Variants in CERS3 observed in about 807,000 individuals in gnomAD.
CERS3 encodes the protein LAG1 homolog, ceramide synthase 3.
A neutral mutation model predicts 50.3 loss-of-function variants in CERS3; 33 were observed. That is an observed-to-expected ratio of 0.66 (90% CI 0.50 to 0.88). CERS3 has a LOEUF of 0.88. Ranked by LOEUF, CERS3 falls within the 40% of genes least tolerant of loss-of-function variation. The probability of loss-of-function intolerance (pLI) is 0.00; values close to 1 mark genes in which losing one functional copy is unlikely to be tolerated. For missense variants in CERS3, 470 were observed against 460.3 expected (o/e 1.02, Z -0.19); for synonymous variants, 176 against 155.2 (o/e 1.13, Z -0.99).
chr15:100,525,684 A>G (rs1173849397), intron 1 of CERS3, among the ~76,000 whole-genome samples: 1 of 152,232 alleles, frequency 6.6e-6, no homozygotes, highest in Admixed American at 6.5e-5. Context: ...GTTTTTATAC[A>G]TAAGCCCTAA....
intron 5 of CERS3, among the ~76,000 whole-genome samples, chr15:100,483,787 A>ATTATTATTATTATTATTTTTTTT (rs760594142): frequency 1.0e-5 from 1 of 100,040 alleles, no homozygotes; most frequent in African/African-American, 3.8e-5. Flanking sequence ...TATTATTATT[A>ATTATTATTATTATTATTTTTTTT]TTTTTTTTTT....
At chr15:100,509,206 T>C (rs987588201) in intron 2 of CERS3, among the ~76,000 whole-genome samples, 1 of 152,196 alleles carries the variant, frequency 6.6e-6, no homozygotes, top group African/African-American at 2.4e-5. Flanking sequence ...AGCTACTTCC[T>C]CAGATGGACG....
chr15:100,516,461 C>G (rs113186150), intron 2 of CERS3, among the ~76,000 whole-genome samples: 1 of 152,138 alleles, frequency 6.6e-6, no homozygotes, highest in Admixed American at 6.5e-5. Flanking sequence ...AAAGACCTGT[C>G]GTGGGACTAA....
intron 11 of CERS3, among the ~76,000 whole-genome samples, chr15:100,406,818 G>A (rs978113248): frequency 2.0e-5 from 3 of 152,120 alleles, no homozygotes; most frequent in African/African-American, 7.2e-5. Context: ...AGACATACCC[G>A]AGACTGGGAA....
At chr15:100,532,713 C>T (rs952809135), upstream of CERS3, among the ~76,000 whole-genome samples, 2 of 152,102 alleles carry the variant, frequency 1.3e-5, no homozygotes, top group Non-Finnish European at 2.9e-5. Context: ...GAGCTGTAAT[C>T]GGCCCAATAC....
chr15:100,418,954 C>T (rs1283757820), intron 11 of CERS3, among the ~76,000 whole-genome samples: 1 of 133,286 alleles, frequency 7.5e-6, no homozygotes, highest in Non-Finnish European at 1.7e-5. Flanking sequence ...AAAGGAACAA[C>T]CAGTACCAGC....
chr15:100,454,366 G>A (rs1178142741), intron 11 of CERS3, among the ~76,000 whole-genome samples: 1 of 122,842 alleles, frequency 8.1e-6, no homozygotes, highest in Non-Finnish European at 1.6e-5. Flanking sequence ...CTCTAGCCTT[G>A]AAGACAGAGC....
intron 2 of CERS3, among the ~76,000 whole-genome samples, chr15:100,521,066 T>C (rs2036624587): frequency 1.3e-5 from 2 of 152,182 alleles, no homozygotes. Context: ...CAATGAAGTT[T>C]AGAGAGATAA....
rs891979918 is a variant in CERS3 at position 100,464,928 on chromosome 15, AGT to A, written c.845+4448_845+4449del. 1.2e-4 allele frequency among the ~76,000 whole-genome samples: 18 copies of A among 152,312 alleles called. No individual in the cohort carries two copies. In the South Asian group the frequency reaches 1.2e-3, roughly 11 times the overall value. Reference sequence around the variant, plus strand: ...CTGAGAATGGGATAAGATCCTCAGAAGTAAAAGAGTGCAGTGGCTGGACATGA... The same window carrying A: ...CTGAGAATGGGATAAGATCCTCAGAAAAAAGAGTGCAGTGGCTGGACATGA... On this transcript the variant is annotated intron_variant, in intron 10 of 11. Transcript: ENST00000679737.
intron 11 of CERS3, among the ~76,000 whole-genome samples, chr15:100,443,822 T>C (rs1159148880): frequency 6.6e-6 from 1 of 152,128 alleles, no homozygotes; most frequent in Non-Finnish European, 1.5e-5. Context: ...CTCCTTTCCT[T>C]CCTAGGCACG....
upstream of CERS3, among the ~76,000 whole-genome samples, chr15:100,533,630 T>C (rs566826133): frequency 7.0e-5 from 10 of 142,714 alleles, no homozygotes; most frequent in Admixed American, 2.2e-4. Flanking sequence ...CAATCTCAGC[T>C]CACTGCAACC....
At chr15:100,465,383 A>G (rs913483525) in intron 10 of CERS3, among the ~76,000 whole-genome samples, 2 of 152,222 alleles carry the variant, frequency 1.3e-5, no homozygotes, top group Non-Finnish European at 2.9e-5. Context: ...CCAAGCTAAC[A>G]ACAAGGAACT....
chr15:100,416,384 C>A (rs1450731112), intron 11 of CERS3, among the ~76,000 whole-genome samples: 1 of 152,208 alleles, frequency 6.6e-6, no homozygotes, highest in African/African-American at 2.4e-5. Flanking sequence ...CGATGGGGAG[C>A]AGACTCCCTA....
intron 10 of CERS3, among the ~76,000 whole-genome samples, chr15:100,457,173 C>T (rs960268190): frequency 6.6e-6 from 1 of 152,028 alleles, no homozygotes; most frequent in Non-Finnish European, 1.5e-5. Context: ...CAGTATTTTC[C>T]TATACAATTT....
chr15:100,420,210 A>G (rs2032314836), intron 11 of CERS3, among the ~76,000 whole-genome samples: 1 of 145,144 alleles, frequency 6.9e-6, no homozygotes, highest in Admixed American at 6.9e-5. Flanking sequence ...AAAAAGAGAG[A>G]AGAATCAAAT....
intron 11 of CERS3, among the ~76,000 whole-genome samples, chr15:100,432,242 C>A (rs1313301140): frequency 6.6e-6 from 1 of 152,086 alleles, no homozygotes; most frequent in Non-Finnish European, 1.5e-5. Context: ...TTTAATAGGC[C>A]TTTTAAACAA....
At chr15:100,533,213 C>T (rs554333828), upstream of CERS3, among the ~76,000 whole-genome samples, 1 of 152,296 alleles carries the variant, frequency 6.6e-6, no homozygotes, top group South Asian at 2.1e-4. Flanking sequence ...CAAACTCCAG[C>T]CCCTCTCCTG....
At chr15:100,440,627 A>AG (rs990340984) in intron 11 of CERS3, among the ~76,000 whole-genome samples, 20 of 151,998 alleles carry the variant, frequency 1.3e-4, no homozygotes, top group African/African-American at 2.4e-4. Flanking sequence ...CTGTGACTGG[A>AG]GGGGGGGAAC....
At chr15:100,473,538 C>T (rs1030704094) in intron 8 of CERS3, among the ~76,000 whole-genome samples, 2 of 152,164 alleles carry the variant, frequency 1.3e-5, no homozygotes, top group Non-Finnish European at 2.9e-5. Flanking sequence ...GGCCAATTCA[C>T]ACATGAAAGC....
Sources: gnomAD v4.1 joint callset for allele counts (sites outside exome capture counted in the v4.1 genomes callset) on GRCh38, gnomAD v4.1.1 for gene constraint, MANE v1.5 for transcripts, NCBI Gene and HGNC (gene_info 2026-07-23, HGNC 2026-07-21) for gene names.